The following CLEC2D variants were observed in gnomAD, a reference collection of about 807,000 sequenced individuals.
CLEC2D encodes the protein C-type lectin related f.
In CLEC2D, 16 loss-of-function variants were observed where a neutral mutation model predicts 20.0. The observed-to-expected ratio is 0.80, with a 90% CI of 0.54 to 1.22. The LOEUF (loss-of-function observed/expected upper bound fraction) is 1.22. CLEC2D is among the 50% of genes most tolerant of loss of function. CLEC2D has a pLI of 0.00. For missense variants in CLEC2D, 207 were observed against 221.5 expected (o/e 0.93, Z 0.42); for synonymous variants, 77 against 71.1 (o/e 1.08, Z -0.42).
At chr12:9,691,723 A>C (rs924579811) in intron 3 of CLEC2D, among the ~76,000 whole-genome samples, 1 of 152,202 alleles carries the variant, frequency 6.6e-6, no homozygotes, top group African/African-American at 2.4e-5. Flanking sequence ...TAAAAATACA[A>C]ATAGCACGTT....
rs937438035 is a variant in CLEC2D, at chr12:9,698,697, ATAAT to A, written c.*3828_*3831del. ...AAAATGTTTCTGCACAGCAAAGGAA[ATAAT>A]TAATGGAGTAAAGAGACAACTTACA... is the stretch of plus-strand genomic sequence containing the variant. On this transcript the variant is annotated 3_prime_UTR_variant, in exon 5 of 5. Coordinates refer to ENST00000290855, the MANE Select transcript of CLEC2D (RefSeq NM_013269.6). 4.6e-5 allele frequency: 7 copies of A among 152,342 alleles called. No homozygotes were observed. Among genetic ancestry groups the A allele is most frequent in the South Asian group, 2.1e-4 (1 of 4,822 alleles). 9.4% of individuals were successfully genotyped at this position (152,342 alleles called of 1,614,324 possible). A position where few individuals can be genotyped will look rare whatever the true frequency, so the allele number is the denominator to read the frequency against.
intron 2 of CLEC2D, among the ~76,000 whole-genome samples, chr12:9,685,956 TG>T (rs1258030477): frequency 1.3e-5 from 2 of 152,158 alleles, no homozygotes; most frequent in Admixed American, 6.6e-5. Context: ...CCCAGTTTTG[TG>T]CTTGAAACCC....
intron 3 of CLEC2D, among the ~76,000 whole-genome samples, chr12:9,690,926 A>G (rs1865847882): frequency 6.6e-6 from 1 of 152,110 alleles, no homozygotes; most frequent in South Asian, 2.1e-4. Context: ...ATAGAAAAGG[A>G]TGAAGCCATC....
chr12:9,692,077 G>T (rs749334955), intron 3 of CLEC2D, among the ~76,000 whole-genome samples: 1 of 152,134 alleles, frequency 6.6e-6, no homozygotes, highest in Non-Finnish European at 1.5e-5. Flanking sequence ...ACTTACATTA[G>T]TTTGGTGTCT....
rs1866036655 is a variant in CLEC2D at position 9,697,951 on chromosome 12, G to A, written c.*3077G>A. The A allele has an allele frequency of 2.6e-5, 4 of 152,178 alleles. No individual in the cohort carries two copies. The South Asian group carries it at 8.3e-4, about 31-fold the overall frequency. The allele number at this position is 152,178 out of a possible 1,614,324, so 9.4% of individuals were successfully genotyped here. ...GACAAAAAGAAATGTAAGTATGTGAGATGAAGCTTATGTTAATTAGATTAA... is the reference window on the plus strand; with the variant it reads ...GACAAAAAGAAATGTAAGTATGTGAAATGAAGCTTATGTTAATTAGATTAA... On this transcript the variant is annotated 3_prime_UTR_variant, in exon 5 of 5. Coordinates refer to ENST00000290855, the MANE Select transcript of CLEC2D (RefSeq NM_013269.6).
At chr12:9,678,311 GTATGA>G (rs1325133533) in intron 1 of CLEC2D, among the ~76,000 whole-genome samples, 1 of 151,984 alleles carries the variant, frequency 6.6e-6, no homozygotes, top group Admixed American at 6.6e-5. Flanking sequence ...GTTTGTGCCA[GTATGA>G]TATAATACAT....
chr12:9,690,669 G>A (rs1865843168), intron 3 of CLEC2D, among the ~76,000 whole-genome samples: 1 of 151,948 alleles, frequency 6.6e-6, no homozygotes, highest in Non-Finnish European at 1.5e-5. Flanking sequence ...AGTTATTGAA[G>A]CTATGTTGAT....
rs1866012882 is a variant in CLEC2D, at chr12:9,697,050, TATAA to T, written c.*2178_*2181del. 1 of 132,408 alleles carries T rather than the reference TATAA, an allele frequency of 7.6e-6. No homozygotes were observed. The highest frequency in any genetic ancestry group is 2.6e-5 in the African/African-American group (1 of 37,756). The allele number at this position is 132,408 out of a possible 1,614,324, so 8.2% of individuals were successfully genotyped here. On this transcript the variant is annotated 3_prime_UTR_variant, in exon 5 of 5. Coordinates refer to ENST00000290855, the MANE Select transcript of CLEC2D (RefSeq NM_013269.6). Reference sequence around the variant, plus strand: ...ATACATACATACATATATATATATATATAAAAAATAGAATATTATTCAGCCTTGT... The same window carrying T: ...ATACATACATACATATATATATATATAAAATAGAATATTATTCAGCCTTGT...
rs1263955067 is a variant in CLEC2D at position 9,696,315 on chromosome 12, T to C, written c.*1441T>C. 5 of 631,680 alleles carry C rather than the reference T, an allele frequency of 7.9e-6. No homozygotes were observed. The East Asian group carries it at 1.1e-4, about 14-fold the overall frequency. 39.1% of individuals were successfully genotyped at this position (631,680 alleles called of 1,614,324 possible). A position where few individuals can be genotyped will look rare whatever the true frequency, so the allele number is the denominator to read the frequency against. On this transcript the variant is annotated 3_prime_UTR_variant, in exon 5 of 5. Transcript: ENST00000290855. ...TGATATCTGGCTGTCCTTTTTATAG[T>C]GCAGAGTGAGAACTTTCCCTACCAT... is the stretch of plus-strand genomic sequence containing the variant.
At chr12:9,681,422 A>G (rs1396327989) in intron 2 of CLEC2D, among the ~76,000 whole-genome samples, 1 of 152,230 alleles carries the variant, frequency 6.6e-6, no homozygotes, top group Non-Finnish European at 1.5e-5. Flanking sequence ...CAAAACTACT[A>G]AGTGGCTGTA....
At position 9,696,336 on chromosome 12, in the gene CLEC2D, A is replaced by G; in HGVS notation, c.*1462A>G. On this transcript the variant is annotated 3_prime_UTR_variant, in exon 5 of 5. Coordinates refer to ENST00000290855, the MANE Select transcript of CLEC2D (RefSeq NM_013269.6). ...ATAGTGCAGAGTGAGAACTTTCCCT[A>G]CCATGTTTGATAAATGTTGTCCAGG... The G allele has an allele frequency of 8.9e-6, 5 of 562,276 alleles. No homozygotes were observed. Among genetic ancestry groups the G allele is most frequent in the South Asian group, 5.4e-5 (3 of 55,538 alleles). The allele number at this position is 562,276 out of a possible 1,614,324, so 34.8% of individuals were successfully genotyped here.
chr12:9,682,432 A>G (rs576049120), intron 2 of CLEC2D, among the ~76,000 whole-genome samples: 114 of 152,226 alleles, frequency 7.5e-4, no homozygotes, highest in Middle Eastern at 3.4e-3. Flanking sequence ...GGTTCGTTAC[A>G]TAGGTATACA....
At chr12:9,694,734 A>T in intron 4 of CLEC2D, 26 bp from the exon 5 acceptor site, 1 of 1,264,646 alleles carries the variant, frequency 7.9e-7, no homozygotes, top group South Asian at 1.2e-5. Flanking sequence ...TTCAGTGGCC[A>T]ACTGATTCTG....
At chr12:9,680,214 TGAA>T (rs1180317832) in intron 1 of CLEC2D, 7 of 341,506 alleles carry the variant, frequency 2.0e-5, no homozygotes, top group African/African-American at 1.3e-4. Context: ...TGCTGCCATG[TGAA>T]GAAGAACACG....
chr12:9,681,168 T>G, intron 2 of CLEC2D, 135 bp downstream of exon 2: 2 of 538,530 alleles, frequency 3.7e-6, no homozygotes, highest in South Asian at 3.4e-5. Flanking sequence ...TCCAATAACT[T>G]TTTAAGTGGC....
At position 9,697,298 on chromosome 12, in the gene CLEC2D, A is replaced by G. The variant is rs2121000983; in HGVS notation, c.*2424A>G. The G allele has an allele frequency of 6.6e-6, 1 of 152,322 alleles. No individual in the cohort carries two copies. Among genetic ancestry groups the G allele is most frequent in the African/African-American group, 2.4e-5 (1 of 41,572 alleles). 9.4% of individuals were successfully genotyped at this position (152,322 alleles called of 1,614,324 possible). On this transcript the variant is annotated 3_prime_UTR_variant, in exon 5 of 5. Transcript: ENST00000290855. Reference sequence around the variant, plus strand: ...TAAAGGCGTTCTTAAGCTACAAACAATAGCATGAGCGATCTGTGCCTTAAG... The same window carrying G: ...TAAAGGCGTTCTTAAGCTACAAACAGTAGCATGAGCGATCTGTGCCTTAAG...
At chr12:9,685,112 G>A (rs757573959) in intron 2 of CLEC2D, among the ~76,000 whole-genome samples, 1 of 152,218 alleles carries the variant, frequency 6.6e-6, no homozygotes, top group African/African-American at 2.4e-5. Context: ...GTCTTGGGAG[G>A]GTGTATGTGT....
chr12:9,687,149 A>G (rs1440521274), intron 2 of CLEC2D, among the ~76,000 whole-genome samples: 5 of 152,324 alleles, frequency 3.3e-5, no homozygotes, highest in Non-Finnish European at 2.9e-5. Flanking sequence ...GTGTAATAAT[A>G]TATAATAAAA....
intron 1 of CLEC2D, among the ~76,000 whole-genome samples, chr12:9,676,394 G>A (rs149050477): frequency 4.9e-4 from 74 of 152,176 alleles, no homozygotes; most frequent in African/African-American, 1.4e-3. Flanking sequence ...TCACAAATGG[G>A]CGTTGAATTT....
Sources: gnomAD v4.1 joint callset for allele counts (sites outside exome capture counted in the v4.1 genomes callset) on GRCh38, gnomAD v4.1.1 for gene constraint, MANE v1.5 for transcripts, NCBI Gene and HGNC (gene_info 2026-07-23, HGNC 2026-07-21) for gene names.